WIPF1: variants seen among roughly 807,000 people sequenced by gnomAD.
The protein encoded by WIPF1 is WAS/WASL interacting protein family member 1, also known as WAS/WASL-interacting protein family member 1.
WIPF1 carries 13 observed loss-of-function variants against 35.4 expected under a neutral mutation model. That is an observed-to-expected ratio of 0.37 (90% confidence interval 0.24 to 0.58). The LOEUF (loss-of-function observed/expected upper bound fraction) is 0.58, where lower values mean the gene tolerates loss of function less well. WIPF1 is among the 20% of genes least tolerant of loss of function. The pLI, the probability that WIPF1 is intolerant of heterozygous loss-of-function variation, is 0.74. For synonymous variants in WIPF1, 267 were observed against 266.3 expected (o/e 1.00, Z -0.02); for missense variants, 591 against 667.0 (o/e 0.89, Z 1.25).
At chr2:174,623,242 T>C (rs187379348) in intron 1 of WIPF1, among the ~76,000 whole-genome samples, 6 of 152,372 alleles carry the variant, frequency 3.9e-5, no homozygotes, top group Admixed American at 6.5e-5. Flanking sequence ...CCAATAAACA[T>C]TTACTTTATC....
upstream of WIPF1, among the ~76,000 whole-genome samples, chr2:174,601,629 A>C (rs982865247): frequency 6.6e-6 from 1 of 152,248 alleles, no homozygotes; most frequent in African/African-American, 2.4e-5. Context: ...TGGATGACCC[A>C]CAGGTGCTGG....
intron 1 of WIPF1, among the ~76,000 whole-genome samples, chr2:174,631,531 T>C (rs1055778116): frequency 1.3e-5 from 2 of 152,112 alleles, no homozygotes; most frequent in African/African-American, 4.8e-5. Context: ...GTTCTGGAGA[T>C]TGGTTGCACA....
At position 174,595,557 on chromosome 2, in the gene WIPF1, C is replaced by T. The variant is rs543171661; in HGVS notation, c.-39+2044G>A. Reference sequence around the variant, plus strand: ...AGCCATTTTCAAAAAATAAAATAAGCAAAGGTGAAGAACGTAACACAAAAT... The same window carrying T: ...AGCCATTTTCAAAAAATAAAATAAGTAAAGGTGAAGAACGTAACACAAAAT... On this transcript the variant is annotated intron_variant, in intron 1 of 7. Transcript: ENST00000679041. Among the ~76,000 whole-genome samples the T allele has an allele frequency of 5.3e-5, 8 of 152,096 alleles. No homozygotes were observed. In the South Asian group the frequency reaches 1.5e-3, roughly 28 times the overall value.
chr2:174,565,517 T>A (rs1559144324), intron 7 of WIPF1, among the ~76,000 whole-genome samples: 1 of 152,208 alleles, frequency 6.6e-6, no homozygotes, highest in Non-Finnish European at 1.5e-5. Context: ...AGCACAGCCA[T>A]GTTCCTGTCT....
chr2:174,570,515 C>T (rs754814328), intron 5 of WIPF1: 21 of 152,056 alleles, frequency 1.4e-4, no homozygotes, highest in Non-Finnish European at 1.5e-4. Context: ...CTGACTCATC[C>T]ATTTGGTAGG....
chr2:174,571,648 A>C lies in WIPF1; in HGVS notation c.1129+28T>G, dbSNP rs575872253. ...TACATTTGGGCAGGCTGGGTTTTGG[A>C]AGCAACTCACTCCACGTCTTGTCAT... On this transcript the variant is annotated intron_variant, in intron 5 of 7. Transcript: ENST00000679041. This position sits in a 1 kb window ranked among gnomAD's most constrained non-coding sequence, Gnocchi z 4.6. 4.3e-5 allele frequency: 70 copies of C among 1,614,008 alleles called. No homozygotes were observed. The Admixed American group carries it at 1.1e-3, about 27-fold the overall frequency.
At chr2:174,572,899 A>T (rs539172176) in intron 4 of WIPF1, among the ~76,000 whole-genome samples, 1 of 152,186 alleles carries the variant, frequency 6.6e-6, no homozygotes, top group Non-Finnish European at 1.5e-5. Flanking sequence ...TAATTATCCC[A>T]ATGTAAATCT....
At chr2:174,651,524 G>A (rs1281515887) in intron 1 of WIPF1, among the ~76,000 whole-genome samples, 1 of 152,096 alleles carries the variant, frequency 6.6e-6, no homozygotes, top group Non-Finnish European at 1.5e-5. Context: ...CTGGGTCCCA[G>A]CTCAATAAAT....
chr2:174,562,541 C>T lies in WIPF1; in HGVS notation c.*6G>A. The T allele has an allele frequency of 6.2e-7, 1 of 1,614,168 alleles. No individual in the cohort carries two copies. The highest frequency in any genetic ancestry group is 8.5e-7 in the Non-Finnish European group (1 of 1,180,028). On this transcript the variant is annotated 3_prime_UTR_variant, in exon 8 of 8. Transcript: ENST00000679041. Reference sequence around the variant, plus strand: ...TTGAGCTTGGGTAGAGAAGAGCAGGCAAAGATCACCTCGGGATGGGAGGGA... The same window carrying T: ...TTGAGCTTGGGTAGAGAAGAGCAGGTAAAGATCACCTCGGGATGGGAGGGA...
At chr2:174,647,144 G>A (rs1473010320) in intron 1 of WIPF1, among the ~76,000 whole-genome samples, 1 of 152,114 alleles carries the variant, frequency 6.6e-6, no homozygotes, top group Non-Finnish European at 1.5e-5. Flanking sequence ...AGCTGAGGCA[G>A]GAGAATTGCT....
At chr2:174,575,681 T>C (rs1275066250) in intron 3 of WIPF1, among the ~76,000 whole-genome samples, 1 of 152,158 alleles carries the variant, frequency 6.6e-6, no homozygotes, top group African/African-American at 2.4e-5. Flanking sequence ...ATTTGGCAAA[T>C]AGAAGGATCT....
chr2:174,679,951 G>A (rs1335965862), intron 1 of WIPF1, among the ~76,000 whole-genome samples: 1 of 152,192 alleles, frequency 6.6e-6, no homozygotes, highest in African/African-American at 2.4e-5. Context: ...GGTGGGACAC[G>A]GTGTGAATGT....
chr2:174,631,772 T>C (rs1160358547), intron 1 of WIPF1, among the ~76,000 whole-genome samples: 12 of 152,200 alleles, frequency 7.9e-5, no homozygotes, highest in Non-Finnish European at 1.5e-5. Context: ...ATACCAAGGA[T>C]GAGTTCAGTT....
chr2:174,571,443 CTTT>C lies in WIPF1; in HGVS notation c.1129+230_1129+232del. The C allele has an allele frequency of 1.6e-6, 1 of 634,718 alleles. No individual in the cohort carries two copies. Among genetic ancestry groups the C allele is most frequent in the Non-Finnish European group, 2.8e-6 (1 of 356,666 alleles). The allele number at this position is 634,718 out of a possible 1,614,324, so 39.3% of individuals were successfully genotyped here. On this transcript the variant is annotated intron_variant, in intron 5 of 7. Coordinates refer to ENST00000679041, the MANE Select transcript of WIPF1 (RefSeq NM_001375834.1). The surrounding 1 kb of genome is among the most constrained non-coding windows in gnomAD (Gnocchi z 4.6). ...TATTAACTAGCTCGTGACCATTTAA[CTTT>C]ATTAGCTACTCAGTGTCCTCATCTC...
At chr2:174,640,132 T>C (rs567106597) in intron 1 of WIPF1, among the ~76,000 whole-genome samples, 2 of 152,186 alleles carry the variant, frequency 1.3e-5, no homozygotes, top group East Asian at 3.9e-4. Context: ...CATTTCTATA[T>C]GCTAATAGTG....
intron 1 of WIPF1, among the ~76,000 whole-genome samples, chr2:174,632,675 C>T (rs1231153382): frequency 7.9e-6 from 1 of 126,822 alleles, no homozygotes; most frequent in African/African-American, 3.0e-5. Context: ...TGCCACTGCA[C>T]TTCAACCTAG....
intron 1 of WIPF1, among the ~76,000 whole-genome samples, chr2:174,650,839 C>T (rs1230948651): frequency 6.6e-6 from 1 of 152,226 alleles, no homozygotes; most frequent in African/African-American, 2.4e-5. Context: ...GCCATGAGAA[C>T]CTGCATGTGA....
In WIPF1 at chr2:174,561,250, A is replaced by C. The variant is rs1335746664; in HGVS notation, c.*1297T>G. ...TTCGCTCAACCCTTACATAAGCATC[A>C]GATTTAGATTTTTAGAGTTTTGCCC... On this transcript the variant is annotated 3_prime_UTR_variant, in exon 8 of 8. Transcript: ENST00000679041. 1.3e-5 allele frequency: 2 copies of C among 152,616 alleles called. No individual in the cohort carries two copies. Among genetic ancestry groups the C allele is most frequent in the East Asian group, 1.9e-4 (1 of 5,206 alleles). 9.5% of individuals were successfully genotyped at this position (152,616 alleles called of 1,614,324 possible).
chr2:174,581,513 G>T (rs1317554932), intron 2 of WIPF1, 74 bp from the exon 3 acceptor site: 1 of 1,565,662 alleles, frequency 6.4e-7, no homozygotes, highest in East Asian at 2.3e-5. Flanking sequence ...GGCTGGGAAA[G>T]GTTGGGTACG....
Sources: allele counts gnomAD v4.1 joint callset (sites outside exome capture counted in the v4.1 genomes callset), GRCh38; gene constraint gnomAD v4.1.1; non-coding constraint Gnocchi (gnomAD v3.1); transcripts MANE v1.5; gene names NCBI Gene and HGNC (gene_info 2026-07-23, HGNC 2026-07-21).